AHCY: variants seen among roughly 807,000 people sequenced by gnomAD.
The protein encoded by AHCY is S-adenosyl-L-homocysteine hydrolase.
A neutral mutation model predicts 45.4 loss-of-function variants in AHCY; 24 were observed. The observed-to-expected ratio is 0.53, with a 90% confidence interval of 0.38 to 0.74. The LOEUF is 0.74. Ranked by LOEUF, AHCY falls within the 30% of genes least tolerant of loss-of-function variation. The pLI is 0.00. For missense variants in AHCY, 449 were observed against 594.1 expected (o/e 0.76, Z 2.54); for synonymous variants, 245 against 235.1 (o/e 1.04, Z -0.39).
intron 1 of AHCY, among the ~76,000 whole-genome samples, chr20:34,298,545 G>T (rs372737618): frequency 6.7e-6 from 1 of 148,810 alleles, no homozygotes; most frequent in African/African-American, 2.4e-5. Context: ...GTGGTCCAGC[G>T]GTAGCAAAAG....
At chr20:34,240,146 A>G in the AHCY span, among the ~76,000 whole-genome samples, 1 of 152,230 alleles carries the variant, frequency 6.6e-6, no homozygotes, top group South Asian at 2.1e-4. Context: ...ATTTGGAAAG[A>G]AGGGAAAAAA....
At chr20:34,238,206 C>T in the AHCY span, among the ~76,000 whole-genome samples, 1 of 152,064 alleles carries the variant, frequency 6.6e-6, no homozygotes, top group Non-Finnish European at 1.5e-5. Context: ...CTTTGGAAGT[C>T]TTAATCAATG....
At chr20:34,309,938 G>A (rs2036931598) in intron 1 of AHCY, among the ~76,000 whole-genome samples, 1 of 151,524 alleles carries the variant, frequency 6.6e-6, no homozygotes, top group South Asian at 2.1e-4. Context: ...GGAAGGGAAG[G>A]AGGGAGGGAA....
At chr20:34,239,690 T>C in the AHCY span, among the ~76,000 whole-genome samples, 1 of 152,224 alleles carries the variant, frequency 6.6e-6, no homozygotes, top group Non-Finnish European at 1.5e-5. Flanking sequence ...TAACAAAGCC[T>C]AAACTGGAAT....
chr20:34,299,302 T>C (rs1173074372), intron 1 of AHCY, among the ~76,000 whole-genome samples: 4 of 152,206 alleles, frequency 2.6e-5, no homozygotes, highest in African/African-American at 7.2e-5. Context: ...CTGATCTCCA[T>C]ACCTGATGCA....
chr20:34,302,948 C>G, intron 1 of AHCY: 1 of 985,422 alleles, frequency 1.0e-6, no homozygotes, highest in East Asian at 1.1e-4. Flanking sequence ...CGTCCCAGGC[C>G]GTGGCCAGGT....
chr20:34,272,563 CAATT>C, the AHCY span, among the ~76,000 whole-genome samples: 3 of 152,250 alleles, frequency 2.0e-5, no homozygotes, highest in Admixed American at 6.5e-5. Context: ...TCTTTGGGCT[CAATT>C]AATTTGTTGG....
chr20:34,262,866 A>C, the AHCY span: 1 of 1,613,950 alleles, frequency 6.2e-7, no homozygotes, highest in Non-Finnish European at 8.5e-7. Flanking sequence ...TCGGCAGAAA[A>C]GCAGCAGAAA....
intron 2 of AHCY, among the ~76,000 whole-genome samples, chr20:34,294,557 G>C (rs1024959093): frequency 1.3e-5 from 2 of 152,108 alleles, no homozygotes; most frequent in Admixed American, 6.6e-5. Context: ...AGTTGGGAGT[G>C]GGGAGGAAAG....
chr20:34,260,442 A>C, the AHCY span: 1 of 1,614,082 alleles, frequency 6.2e-7, no homozygotes, highest in Non-Finnish European at 8.5e-7. Flanking sequence ...GCCAACAGCC[A>C]CCTGCCACCT....
chr20:34,296,479 T>C (rs902640415), intron 1 of AHCY, among the ~76,000 whole-genome samples: 6 of 152,130 alleles, frequency 3.9e-5, no homozygotes, highest in African/African-American at 1.4e-4. Flanking sequence ...GGCTTCATGG[T>C]TACTAGTAAC....
chr20:34,275,131 C>CTTTTTTTT, the AHCY span, among the ~76,000 whole-genome samples: 1 of 99,452 alleles, frequency 1.0e-5, no homozygotes, highest in Non-Finnish European at 2.3e-5. Flanking sequence ...TCTCTATTTT[C>CTTTTTTTT]TTTTTTTTTT....
chr20:34,243,773 AAAAC>A, the AHCY span, among the ~76,000 whole-genome samples: 1 of 151,808 alleles, frequency 6.6e-6, no homozygotes, highest in Non-Finnish European at 1.5e-5. Context: ...AAAAAAAAAA[AAAAC>A]TGTCTCGCCG....
chr20:34,264,765 A>G, the AHCY span, among the ~76,000 whole-genome samples: 9 of 124,466 alleles, frequency 7.2e-5, no homozygotes, highest in Non-Finnish European at 1.4e-4. Context: ...TTTTCTTAAT[A>G]TTTTATTTTC....
chr20:34,285,702 G>A, intron 8 of AHCY, 68 bp from the exon 9 acceptor site: 1 of 1,575,112 alleles, frequency 6.3e-7, no homozygotes. Flanking sequence ...CTCTGATCTG[G>A]CAGGCCTCTC....
Position 34,290,558 on chromosome 20 carries a change from G to A in AHCY, c.847C>T (p.Leu283Phe). Reference sequence around the variant, plus strand: ...CCCCCATCTGGCACCTACCGGCCAAGGATGATGTCAATACAGCCTGTGGTG... The same window carrying A: ...CCCCCATCTGGCACCTACCGGCCAAAGATGATGTCAATACAGCCTGTGGTG... ...VTTTGCIDII[L>F]GRHFEQMKDD... The change falls in exon 7 of 10, where the codon CTT (leucine) becomes TTT (phenylalanine). Residue 283 changes from leucine to phenylalanine, a missense_variant. By Grantham distance (22) the Leu-to-Phe change is conservative. Coordinates refer to ENST00000217426, the MANE Select transcript of AHCY (RefSeq NM_000687.4). The surrounding 1 kb of genome is among the most constrained non-coding windows in gnomAD (Gnocchi z 4.5). 1.9e-6 allele frequency: 3 copies of A among 1,614,192 alleles called. No individual in the cohort carries two copies. Among genetic ancestry groups the A allele is most frequent in the Non-Finnish European group, 2.5e-6 (3 of 1,180,042 alleles).
At chr20:34,295,217 C>T (rs1220400861) in intron 2 of AHCY, 178 bp downstream of exon 2, 1 of 795,562 alleles carries the variant, frequency 1.3e-6, no homozygotes. Flanking sequence ...CTGCAGAACA[C>T]TCACCACAAG....
In AHCY at chr20:34,302,993, C is replaced by T. The variant is rs1003830205; in HGVS notation, c.28+250G>A. On this transcript the variant is annotated intron_variant, in intron 1 of 9. Transcript: ENST00000217426. ...CGCGGAGCACGCCGCCAGTTTGCGG[C>T]TCGCAGACCGCGCGGCGGCCCCGGC... is the stretch of plus-strand genomic sequence containing the variant. 225 of 985,364 alleles carry T rather than the reference C, an allele frequency of 2.3e-4. 1 individual carries two copies. Among genetic ancestry groups the T allele is most frequent in the Non-Finnish European group, 2.7e-4 (222 of 829,942 alleles). The allele number at this position is 985,364 out of a possible 1,614,324, so 61.0% of individuals were successfully genotyped here.
upstream of AHCY, among the ~76,000 whole-genome samples, chr20:34,307,430 T>A (rs1369285226): frequency 6.6e-6 from 1 of 151,880 alleles, no homozygotes; most frequent in African/African-American, 2.4e-5. Flanking sequence ...TGGAATGCAA[T>A]GGCAAAATCT....
Sources: allele counts gnomAD v4.1 joint callset (sites outside exome capture counted in the v4.1 genomes callset), GRCh38; gene constraint gnomAD v4.1.1; non-coding constraint Gnocchi (gnomAD v3.1); transcripts MANE v1.5; gene names NCBI Gene and HGNC (gene_info 2026-07-23, HGNC 2026-07-21).